The following NCOA2 variants were observed in gnomAD, a reference collection of about 807,000 sequenced individuals.
NCOA2 encodes the protein class E basic helix-loop-helix protein 75.
Under a neutral mutation model 145.1 loss-of-function variants are expected in NCOA2, and 21 were observed. The observed-to-expected ratio is 0.14, with a 90% CI of 0.10 to 0.21. NCOA2 has a LOEUF of 0.21. Among genes scored for constraint, NCOA2 ranks in the 10% least tolerant of loss-of-function variants. NCOA2 has a pLI of 1.00. For synonymous variants in NCOA2, 619 were observed against 637.5 expected, an observed-to-expected ratio of 0.97 and a Z score of 0.44; for missense variants, 1,472 against 1,837.6, an observed-to-expected ratio of 0.80 and a Z score of 3.64.
At chr8:70,201,045 G>A (rs1168314660) in intron 4 of NCOA2, among the ~76,000 whole-genome samples, 1 of 76,094 alleles carries the variant, frequency 1.3e-5, no homozygotes, top group African/African-American at 5.2e-5. Context: ...GTGAGACTGT[G>A]TCTCAAAAAA....
chr8:70,147,110 T>C (rs999458159), intron 12 of NCOA2, among the ~76,000 whole-genome samples: 1 of 149,482 alleles, frequency 6.7e-6, no homozygotes, highest in African/African-American at 2.5e-5. Context: ...TGCAAATCTT[T>C]CGCGCGCGCG....
At chr8:70,230,062 T>C (rs1381114503) in intron 2 of NCOA2, among the ~76,000 whole-genome samples, 1 of 152,226 alleles carries the variant, frequency 6.6e-6, no homozygotes, top group Non-Finnish European at 1.5e-5. Context: ...GAATAAGGAA[T>C]AGCTCTTGTC....
chr8:70,406,509 C>G (rs1814783435), upstream of NCOA2, among the ~76,000 whole-genome samples: 1 of 151,672 alleles, frequency 6.6e-6, no homozygotes, highest in Non-Finnish European at 1.5e-5. Flanking sequence ...CAAGAGAGAA[C>G]AACAAGGAAA....
intron 2 of NCOA2, among the ~76,000 whole-genome samples, chr8:70,247,062 C>T (rs1822693911): frequency 6.6e-6 from 1 of 152,050 alleles, no homozygotes; most frequent in East Asian, 1.9e-4. Context: ...ACTCCAATTC[C>T]AAAACTCCTA....
intron 1 of NCOA2, among the ~76,000 whole-genome samples, chr8:70,351,751 ATT>A (rs1266426866): frequency 2.0e-4 from 26 of 129,848 alleles, no homozygotes; most frequent in Admixed American, 2.4e-4. Flanking sequence ...ACCCCGGCTA[ATT>A]TTTTTTTTTT....
intron 4 of NCOA2, among the ~76,000 whole-genome samples, chr8:70,176,773 G>C (rs1382364460): frequency 6.6e-6 from 1 of 152,132 alleles, no homozygotes; most frequent in African/African-American, 2.4e-5. Context: ...TAATTTTCAA[G>C]GGCCATCTTG....
intron 1 of NCOA2, among the ~76,000 whole-genome samples, chr8:70,309,957 A>G (rs1370847773): frequency 2.6e-5 from 4 of 151,966 alleles, no homozygotes; most frequent in Admixed American, 1.3e-4. Flanking sequence ...TGTCTCGAAA[A>G]CAAACAAACA....
intron 12 of NCOA2, among the ~76,000 whole-genome samples, chr8:70,147,919 T>A (rs141074997): frequency 0.016 from 2,363 of 152,348 alleles, 23 homozygotes; most frequent in Middle Eastern, 0.058. Context: ...CCAAATGTTA[T>A]ATATTTCAGT....
At chr8:70,218,905 T>C (rs1819896097) in intron 2 of NCOA2, among the ~76,000 whole-genome samples, 3 of 152,044 alleles carry the variant, frequency 2.0e-5, no homozygotes, top group Admixed American at 1.3e-4. Flanking sequence ...ATTCCCCCCC[T>C]CAAAAGCAAT....
Position 70,268,312 on chromosome 8 carries a change from G to A in NCOA2, c.-20+28432C>T, listed in dbSNP as rs187402785. Among the ~76,000 whole-genome samples, 3 of 152,196 alleles carry A rather than the reference G, an allele frequency of 2.0e-5. No homozygotes were observed. The East Asian group carries it at 5.8e-4, about 29-fold the overall frequency. ...CTGCCCATCTTTGACATCCACCCCA[G>A]AAAGATAATTTCAAGTAGACCATCT... On this transcript the variant is annotated intron_variant, in intron 2 of 22. Transcript: ENST00000452400.
chr8:70,441,722 GAA>G, the NCOA2 span, among the ~76,000 whole-genome samples: 1 of 138,414 alleles, frequency 7.2e-6, no homozygotes, highest in African/African-American at 2.7e-5. Flanking sequence ...AGAAAGGAAA[GAA>G]AGAAGAGAGA....
intron 1 of NCOA2, among the ~76,000 whole-genome samples, chr8:70,335,122 CAAAAAAAAAAAAAAA>C (rs59460365): frequency 2.7e-4 from 8 of 29,466 alleles, no homozygotes; most frequent in East Asian, 1.9e-3. Flanking sequence ...GACTCCATCT[CAAAAAAAAAAAAAAA>C]AAAAAAAAAA....
intron 2 of NCOA2, among the ~76,000 whole-genome samples, chr8:70,240,049 G>A (rs1821992882): frequency 6.6e-6 from 1 of 152,078 alleles, no homozygotes; most frequent in South Asian, 2.1e-4. Context: ...AGACACAAAG[G>A]CTTTGGGGAA....
intron 2 of NCOA2, among the ~76,000 whole-genome samples, chr8:70,276,801 A>G (rs1825502615): frequency 6.6e-6 from 1 of 151,988 alleles, no homozygotes; most frequent in African/African-American, 2.4e-5. Flanking sequence ...TAATATATAC[A>G]CCCGTTAGTC....
upstream of NCOA2, among the ~76,000 whole-genome samples, chr8:70,408,523 G>A (rs1185209032): frequency 6.6e-6 from 1 of 152,196 alleles, no homozygotes; most frequent in Admixed American, 6.5e-5. Context: ...AATAGACTGG[G>A]CACAGTGGCA....
At chr8:70,244,739 A>G (rs1048989915) in intron 2 of NCOA2, among the ~76,000 whole-genome samples, 2 of 151,978 alleles carry the variant, frequency 1.3e-5, no homozygotes, top group Admixed American at 6.6e-5. Context: ...GCTTACCAAA[A>G]TATTTCCTAC....
intron 4 of NCOA2, among the ~76,000 whole-genome samples, chr8:70,212,006 A>T (rs970488859): frequency 6.6e-6 from 1 of 151,244 alleles, no homozygotes; most frequent in East Asian, 2.0e-4. Context: ...TATGGTTTGA[A>T]GGGGGAATTA....
intron 1 of NCOA2, among the ~76,000 whole-genome samples, chr8:70,327,564 C>A (rs1285997305): frequency 6.6e-6 from 1 of 151,902 alleles, no homozygotes; most frequent in Non-Finnish European, 1.5e-5. Flanking sequence ...TACCAACAGA[C>A]AAAATTAATG....
chr8:70,389,415 G>A (rs1812980857), intron 1 of NCOA2, among the ~76,000 whole-genome samples: 1 of 151,878 alleles, frequency 6.6e-6, no homozygotes, highest in Admixed American at 6.6e-5. Flanking sequence ...GGAGTAGCTG[G>A]GATTACAGGC....
Sources: allele counts gnomAD v4.1 joint callset (sites outside exome capture counted in the v4.1 genomes callset), GRCh38; gene constraint gnomAD v4.1.1; transcripts MANE v1.5; gene names NCBI Gene and HGNC (gene_info 2026-07-23, HGNC 2026-07-21).